The following PSD3 variants were observed in gnomAD, a reference collection of about 807,000 sequenced individuals.
PSD3 encodes PH and SEC7 domain-containing protein 3.
Under a neutral mutation model 105.5 loss-of-function variants are expected in PSD3, and 49 were observed. That is an observed-to-expected ratio of 0.46 (90% CI 0.37 to 0.59). The LOEUF (loss-of-function observed/expected upper bound fraction) is 0.59, where lower values mean the gene tolerates loss of function less well. Ranked by LOEUF, PSD3 falls within the 20% of genes least tolerant of loss-of-function variation. PSD3 has a pLI of 0.00. For synonymous variants in PSD3, 557 were observed against 457.8 expected (o/e 1.22, Z -2.77); for missense variants, 1,561 against 1,263.8 (o/e 1.24, Z -3.57).
rs77310262 is a variant in PSD3 at position 18,708,298 on chromosome 8, G to A, written c.2173-52613C>T. Among the ~76,000 whole-genome samples, 432 of 152,262 alleles carry A rather than the reference G, an allele frequency of 2.8e-3. 3 individuals are homozygous for A. The highest frequency in any genetic ancestry group is 5.0e-3 in the Admixed American group (77 of 15,294). On this transcript the variant is annotated intron_variant, in intron 9 of 15. Transcript: ENST00000327040. ...AGAGTAACAGTAATTCCTCTACATT[G>A]TATGGAAGGGCCAAATAAGAGACTG... is the stretch of plus-strand genomic sequence containing the variant.
chr8:18,841,186 A>T (rs916222251), intron 4 of PSD3, among the ~76,000 whole-genome samples: 2 of 152,164 alleles, frequency 1.3e-5, no homozygotes, highest in African/African-American at 4.8e-5. Flanking sequence ...TAGTAACCAC[A>T]CTAATTGGAT....
chr8:18,865,257 TATATATATATATATATATATATA>T lies in PSD3; in HGVS notation c.1634+2394_1634+2416del, dbSNP rs1563360194. ...ATATATATATATATATATATATATA[TATATATATATATATATATATATA>T]TATATATTTTTTTTTTTTTTTTTTT... On this transcript the variant is annotated intron_variant, in intron 4 of 15. Coordinates refer to ENST00000327040, the MANE Select transcript of PSD3 (RefSeq NM_015310.4). 45 of 4,510 alleles carry T rather than the reference TATATATATATATATATATATATA, an allele frequency of 1.0e-2. 6 individuals carry two copies. The highest frequency in any genetic ancestry group is 0.038 in the East Asian group (8 of 210). 0.3% of individuals were successfully genotyped at this position (4,510 alleles called of 1,614,324 possible).
intron 1 of PSD3, among the ~76,000 whole-genome samples, chr8:18,974,071 CA>C (rs1824796482): frequency 6.6e-6 from 1 of 152,056 alleles, no homozygotes; most frequent in Non-Finnish European, 1.5e-5. Flanking sequence ...CTCCATTTAC[CA>C]ATAGAAAATC....
chr8:18,697,046 C>A (rs896364999), intron 9 of PSD3, among the ~76,000 whole-genome samples: 3 of 152,292 alleles, frequency 2.0e-5, no homozygotes, highest in Non-Finnish European at 4.4e-5. Context: ...GGTTTGAGAC[C>A]AGCCTGGGCA....
At chr8:18,977,845 A>T (rs921877895) in intron 1 of PSD3, among the ~76,000 whole-genome samples, 1 of 152,306 alleles carries the variant, frequency 6.6e-6, no homozygotes, top group East Asian at 1.9e-4. Context: ...ATCAACACAC[A>T]TTACTTATGC....
chr8:18,944,075 A>T (rs1420130177), intron 1 of PSD3, among the ~76,000 whole-genome samples: 1 of 152,134 alleles, frequency 6.6e-6, no homozygotes, highest in African/African-American at 2.4e-5. Context: ...CTTAACTTTC[A>T]TGACTATGAT....
At chr8:18,606,835 G>C (rs966503141) in intron 11 of PSD3, among the ~76,000 whole-genome samples, 4 of 152,140 alleles carry the variant, frequency 2.6e-5, no homozygotes, top group African/African-American at 9.7e-5. Context: ...CTGAGTGTTG[G>C]GCTAACGTTA....
At chr8:18,646,624 C>T (rs13250429) in intron 10 of PSD3, among the ~76,000 whole-genome samples, 38,474 of 151,588 alleles carry the variant, frequency 0.25, 5,161 homozygotes, top group South Asian at 0.44. Context: ...AAATGAAAGG[C>T]GACAAATTAT....
At chr8:18,922,914 G>C (rs1324858945) in intron 2 of PSD3, among the ~76,000 whole-genome samples, 1 of 152,168 alleles carries the variant, frequency 6.6e-6, no homozygotes. Context: ...CGCCGTCCTG[G>C]AACCTCCATG....
At chr8:18,928,856 CCTCTTG>C (rs1262705664) in intron 2 of PSD3, among the ~76,000 whole-genome samples, 7 of 151,606 alleles carry the variant, frequency 4.6e-5, no homozygotes, top group African/African-American at 1.7e-4. Context: ...CTTTCCTCTT[CCTCTTG>C]CTCAAGACAA....
intron 1 of PSD3, 24 bp from the exon 2 acceptor site, chr8:18,936,166 G>C (rs754469197): frequency 1.7e-5 from 26 of 1,499,010 alleles, no homozygotes; most frequent in Non-Finnish European, 2.4e-5. Context: ...ACAAAACAAA[G>C]ACACATTTAA....
chr8:18,649,522 A>G (rs989084779), intron 10 of PSD3, among the ~76,000 whole-genome samples: 6 of 152,188 alleles, frequency 3.9e-5, no homozygotes, highest in Non-Finnish European at 8.8e-5. Flanking sequence ...GCTCATAGGC[A>G]CAAGGGACTA....
intron 11 of PSD3, among the ~76,000 whole-genome samples, chr8:18,603,970 CA>C (rs1563368497): frequency 6.6e-6 from 1 of 152,188 alleles, no homozygotes; most frequent in Non-Finnish European, 1.5e-5. Flanking sequence ...ATAAATTACC[CA>C]GTCTCAGGTT....
At chr8:18,816,019 C>T (rs1812193658) in intron 4 of PSD3, among the ~76,000 whole-genome samples, 1 of 152,214 alleles carries the variant, frequency 6.6e-6, no homozygotes. Flanking sequence ...AAAATCCTAT[C>T]TCTGTCACTT....
At chr8:18,537,191 C>A (rs1444216880) in intron 15 of PSD3, among the ~76,000 whole-genome samples, 2 of 152,148 alleles carry the variant, frequency 1.3e-5, no homozygotes, top group Non-Finnish European at 2.9e-5. Flanking sequence ...TATTGAGTAC[C>A]AACAGCTTAA....
intron 9 of PSD3, among the ~76,000 whole-genome samples, chr8:18,731,212 C>T (rs962555434): frequency 2.5e-4 from 38 of 152,156 alleles, no homozygotes; most frequent in African/African-American, 7.7e-4. Flanking sequence ...GCAGAGATTG[C>T]ACCACTGCAC....
chr8:18,977,337 G>T (rs531048025), intron 1 of PSD3, among the ~76,000 whole-genome samples: 2 of 151,940 alleles, frequency 1.3e-5, no homozygotes, highest in East Asian at 3.9e-4. Flanking sequence ...ATGGCTTTGG[G>T]AATTAAACAC....
chr8:18,616,049 C>G (rs1805636457), intron 11 of PSD3, among the ~76,000 whole-genome samples: 1 of 152,216 alleles, frequency 6.6e-6, no homozygotes. Flanking sequence ...TTTCCCCAAC[C>G]TAGGAGCTCC....
chr8:18,828,067 A>ATTTTTTT, intron 4 of PSD3, among the ~76,000 whole-genome samples: 1 of 118,882 alleles, frequency 8.4e-6, no homozygotes, highest in African/African-American at 3.5e-5. Context: ...ATATATATAT[A>ATTTTTTT]TTTTTTTTTT....
Sources: gnomAD v4.1 joint callset for allele counts (sites outside exome capture counted in the v4.1 genomes callset) on GRCh38, gnomAD v4.1.1 for gene constraint, MANE v1.5 for transcripts, NCBI Gene and HGNC (gene_info 2026-07-23, HGNC 2026-07-21) for gene names.